IST1: variants seen among roughly 807,000 people sequenced by gnomAD.
IST1 encodes IST1 homolog.
A neutral mutation model predicts 37.0 loss-of-function variants in IST1; 23 were observed. That is an observed-to-expected ratio of 0.62 (90% confidence interval 0.45 to 0.88). IST1 has a LOEUF of 0.88. Among genes scored for constraint, IST1 ranks in the 40% least tolerant of loss-of-function variants. IST1 has a pLI of 0.00. For synonymous variants in IST1, 180 were observed against 161.7 expected (o/e 1.11, Z -0.86); for missense variants, 488 against 445.4 (o/e 1.10, Z -0.86).
Position 71,928,131 on chromosome 16 carries a change from G to A in IST1, c.*318G>A, listed in dbSNP as rs1012088086. ...ACAGGAGTGTGAGAGGATGGGGGAA[G>A]CACTGTGGGAAGACCACCAAAGATG... On this transcript the variant is annotated 3_prime_UTR_variant, in exon 10 of 10. Transcript: ENST00000378799. 8 of 356,062 alleles carry A rather than the reference G, an allele frequency of 2.2e-5. No homozygotes were observed. The highest frequency in any genetic ancestry group is 3.7e-5 in the Non-Finnish European group (7 of 187,026). The allele number at this position is 356,062 out of a possible 1,614,324, so 22.1% of individuals were successfully genotyped here. A position where few individuals can be genotyped will look rare whatever the true frequency, so the allele number is the denominator to read the frequency against.
At chr16:71,923,739 A>G (rs918487284) in intron 8 of IST1, among the ~76,000 whole-genome samples, 1 of 152,218 alleles carries the variant, frequency 6.6e-6, no homozygotes. Context: ...AATTATTAAA[A>G]TATTAGTCCT....
intron 1 of IST1, among the ~76,000 whole-genome samples, chr16:71,907,428 C>A (rs1272769999): frequency 4.6e-5 from 7 of 151,932 alleles, no homozygotes; most frequent in Admixed American, 4.6e-4. Flanking sequence ...TAGGCACCCG[C>A]CACCACGCCC....
At chr16:71,911,710 ATT>A (rs550809762) in intron 1 of IST1, among the ~76,000 whole-genome samples, 52,616 of 90,724 alleles carry the variant, frequency 0.58, 12,877 homozygotes, top group East Asian at 0.77. Context: ...TTAAACTTCG[ATT>A]TTTTTTTTTT....
At chr16:71,899,157 CATG>C (rs1014557077) in intron 1 of IST1, among the ~76,000 whole-genome samples, 28 of 152,220 alleles carry the variant, frequency 1.8e-4, no homozygotes, top group African/African-American at 6.5e-4. Flanking sequence ...GTGAATAACA[CATG>C]ATGCTGTTGA....
chr16:71,924,347 C>T lies in IST1; in HGVS notation c.853-422C>T, dbSNP rs191298410. Reference sequence around the variant, plus strand: ...ACATGGGGCTGGGCGGGGTGGTTCACGCCTGTAATCCCAGCACTTTGGGAG... The same window carrying T: ...ACATGGGGCTGGGCGGGGTGGTTCATGCCTGTAATCCCAGCACTTTGGGAG... On this transcript the variant is annotated intron_variant, in intron 8 of 9. Transcript: ENST00000378799. 1.6e-4 allele frequency: 59 copies of T among 373,974 alleles called. No individual in the cohort carries two copies. The Admixed American group carries it at 2.0e-3, about 13-fold the overall frequency. 23.2% of individuals were successfully genotyped at this position (373,974 alleles called of 1,614,324 possible).
At chr16:71,901,051 A>C (rs2037096728) in intron 1 of IST1, among the ~76,000 whole-genome samples, 1 of 152,210 alleles carries the variant, frequency 6.6e-6, no homozygotes, top group Admixed American at 6.5e-5. Context: ...ATGTTTGTTA[A>C]TGTATATATG....
In IST1 at chr16:71,929,842, G is replaced by T; in HGVS notation, c.*2029G>T. 1.1e-6 allele frequency: 1 copy of T among 950,564 alleles called. No homozygotes were observed. The highest frequency in any genetic ancestry group is 1.5e-6 in the Non-Finnish European group (1 of 654,516). The allele number at this position is 950,564 out of a possible 1,614,324, so 58.9% of individuals were successfully genotyped here. A position where few individuals can be genotyped will look rare whatever the true frequency, so the allele number is the denominator to read the frequency against. The stretch of plus-strand genomic sequence containing the variant: ...GGAGTGTTTCCACTAATGGTTGCGA[G>T]CCAACTATTTATAGGACAATGGCTA... On this transcript the variant is annotated 3_prime_UTR_variant, in exon 10 of 10. Transcript: ENST00000378799.
At chr16:71,923,578 A>G (rs554848490) in intron 8 of IST1, 198 bp downstream of exon 8, 4 of 427,552 alleles carry the variant, frequency 9.4e-6, no homozygotes, top group Admixed American at 4.2e-5. Flanking sequence ...ATTGGTGGCA[A>G]TGCTTTGTCT....
rs773443557 is a variant in IST1 at position 71,927,793 on chromosome 16, G to T, written c.1081G>T (p.Glu361Ter). 1.9e-6 allele frequency: 3 copies of T among 1,614,014 alleles called. No homozygotes were observed. Among genetic ancestry groups the T allele is most frequent in the South Asian group, 1.1e-5 (1 of 91,068 alleles). The change falls in exon 10 of 10, where the codon GAG becomes TAG. Residue 361 changes from glutamate to a stop codon, truncating the protein, a stop_gained. Coordinates refer to ENST00000378799, the MANE Select transcript of IST1 (RefSeq NM_001270975.2). LOFTEE classifies it high-confidence loss of function. ...DFDDLSRRFE[E>*]LKKKT The stretch of plus-strand genomic sequence containing the variant: ...TGATGATCTTTCCCGGAGGTTTGAA[G>T]AGCTGAAAAAGAAAACATAGGTCTC...
Position 71,929,333 on chromosome 16 carries a change from A to C in IST1, c.*1520A>C. 2 of 465,046 alleles carry C rather than the reference A, an allele frequency of 4.3e-6. No individual in the cohort carries two copies. Among genetic ancestry groups the C allele is most frequent in the South Asian group, 3.8e-5 (1 of 26,540 alleles). 28.8% of individuals were successfully genotyped at this position (465,046 alleles called of 1,614,324 possible). On this transcript the variant is annotated 3_prime_UTR_variant, in exon 10 of 10. Coordinates refer to ENST00000378799, the MANE Select transcript of IST1 (RefSeq NM_001270975.2). The stretch of plus-strand genomic sequence containing the variant: ...TGAGTTCTGTTACTTGCTGCTTGGC[A>C]GCAGAGCTAGTTTGTCTCGTAGTAT...
chr16:71,897,471 C>T (rs562239141), intron 1 of IST1, among the ~76,000 whole-genome samples: 2 of 152,236 alleles, frequency 1.3e-5, no homozygotes, highest in South Asian at 4.1e-4. Flanking sequence ...GATTTAAGCT[C>T]TGGTTCTTGT....
chr16:71,925,580 C>T (rs962821325), intron 9 of IST1, among the ~76,000 whole-genome samples: 1 of 152,110 alleles, frequency 6.6e-6, no homozygotes, highest in Non-Finnish European at 1.5e-5. Context: ...TCCCAAAGTG[C>T]TGAGATTACA....
chr16:71,913,001 C>T (rs777182375), intron 1 of IST1, among the ~76,000 whole-genome samples: 12 of 152,070 alleles, frequency 7.9e-5, no homozygotes, highest in Non-Finnish European at 1.8e-4. Flanking sequence ...TCCATGAATC[C>T]CTCAGTGGCC....
chr16:71,904,204 A>G (rs1244412779), intron 1 of IST1, among the ~76,000 whole-genome samples: 3 of 152,056 alleles, frequency 2.0e-5, no homozygotes, highest in East Asian at 1.9e-4. Context: ...GCTCGCTGCA[A>G]TCTCTGCCTG....
At chr16:71,923,528 A>G (rs1201004651) in intron 8 of IST1, 148 bp downstream of exon 8, 12 of 497,346 alleles carry the variant, frequency 2.4e-5, no homozygotes, top group Non-Finnish European at 3.6e-5. Context: ...GCTTTATAAC[A>G]CTACCCTGGA....
chr16:71,929,805 C>T lies in IST1; in HGVS notation c.*1992C>T, dbSNP rs1045508571. The T allele has an allele frequency of 6.5e-6, 7 of 1,083,234 alleles. No individual in the cohort carries two copies. The Admixed American group carries it at 1.8e-4, about 27-fold the overall frequency. 67.1% of individuals were successfully genotyped at this position (1,083,234 alleles called of 1,614,324 possible). A position where few individuals can be genotyped will look rare whatever the true frequency, so the allele number is the denominator to read the frequency against. On this transcript the variant is annotated 3_prime_UTR_variant, in exon 10 of 10. Transcript: ENST00000378799. Reference sequence around the variant, plus strand: ...AAGATACTATTTCTTTAATAATTTGCAGTCAGGCATTGGAGTGTTTCCACT... The same window carrying T: ...AAGATACTATTTCTTTAATAATTTGTAGTCAGGCATTGGAGTGTTTCCACT...
intron 4 of IST1, among the ~76,000 whole-genome samples, chr16:71,919,722 C>T (rs887718552): frequency 1.7e-4 from 26 of 152,300 alleles, no homozygotes; most frequent in Non-Finnish European, 2.6e-4. Flanking sequence ...AGCAAAGCAT[C>T]ACTTCCCTCA....
At chr16:71,927,501 A>G in intron 9 of IST1, 113 bp from the exon 10 acceptor site, 2 of 797,630 alleles carry the variant, frequency 2.5e-6, no homozygotes, top group South Asian at 1.7e-5. Flanking sequence ...AAAAAAAAAA[A>G]AGTTTGTGAA....
chr16:71,924,722 C>T (rs369193594), intron 8 of IST1, 47 bp from the exon 9 acceptor site: 143 of 1,431,202 alleles, frequency 1.0e-4, no homozygotes, highest in Non-Finnish European at 1.3e-4. Flanking sequence ...GTACTTTCTC[C>T]AGTGACACTA....
Sources: gnomAD v4.1 joint callset for allele counts (sites outside exome capture counted in the v4.1 genomes callset) on GRCh38, gnomAD v4.1.1 for gene constraint, MANE v1.5 for transcripts, NCBI Gene and HGNC (gene_info 2026-07-23, HGNC 2026-07-21) for gene names.